Variants in PDZD2 observed in about 807,000 individuals in gnomAD.
The protein encoded by PDZD2 is PDZ domain-containing protein 2.
Under a neutral mutation model 220.7 loss-of-function variants are expected in PDZD2, and 90 were observed. The observed-to-expected ratio is 0.41, with a 90% CI of 0.34 to 0.49. The LOEUF (loss-of-function observed/expected upper bound fraction) is 0.49, where lower values mean the gene tolerates loss of function less well. Among genes scored for constraint, PDZD2 ranks in the 20% least tolerant of loss-of-function variants. The pLI is 0.28. For missense variants in PDZD2, 3,174 were observed against 3,608.5 expected, an observed-to-expected ratio of 0.88 and a Z score of 3.08; for synonymous variants, 1,375 against 1,450.5, an observed-to-expected ratio of 0.95 and a Z score of 1.18.
chr5:31,733,455 C>T (rs771119085), intron 1 of PDZD2, among the ~76,000 whole-genome samples: 24 of 152,172 alleles, frequency 1.6e-4, no homozygotes, highest in Non-Finnish European at 3.1e-4. Flanking sequence ...CCACGTGCTG[C>T]GTGTGGTCTG....
chr5:31,909,626 G>A (rs1414535510), intron 2 of PDZD2, among the ~76,000 whole-genome samples: 2 of 152,038 alleles, frequency 1.3e-5, no homozygotes, highest in East Asian at 3.8e-4. Flanking sequence ...ATACTAAAAG[G>A]ATAACAATTC....
chr5:31,923,990 A>C (rs1421613309), intron 2 of PDZD2, among the ~76,000 whole-genome samples: 1 of 152,150 alleles, frequency 6.6e-6, no homozygotes, highest in African/African-American at 2.4e-5. Flanking sequence ...CACTCAGGGG[A>C]GTCATTAGGG....
chr5:31,701,674 A>G (rs72755414), intron 1 of PDZD2, among the ~76,000 whole-genome samples: 32,515 of 152,182 alleles, frequency 0.21, 3,472 homozygotes, highest in Middle Eastern at 0.28. Flanking sequence ...TGGGGCGACC[A>G]GTCCCCGAGG....
chr5:31,765,111 G>A (rs942986298), intron 1 of PDZD2, among the ~76,000 whole-genome samples: 1 of 151,824 alleles, frequency 6.6e-6, no homozygotes, highest in African/African-American at 2.4e-5. Flanking sequence ...CAAAGGAAGA[G>A]GACAGAGACT....
intron 2 of PDZD2, chr5:31,855,248 C>T (rs1487523340): frequency 2.5e-6 from 1 of 401,140 alleles, no homozygotes; most frequent in Non-Finnish European, 3.4e-6. Flanking sequence ...GCTGAATCCA[C>T]AAATGTGGAG....
At chr5:32,009,890 G>A (rs1173858715) in intron 5 of PDZD2, among the ~76,000 whole-genome samples, 1 of 152,004 alleles carries the variant, frequency 6.6e-6, no homozygotes, top group African/African-American at 2.4e-5. Flanking sequence ...TCAGCAGTTC[G>A]AGACCAGCCT....
intron 16 of PDZD2, among the ~76,000 whole-genome samples, chr5:32,071,688 A>G (rs927155248): frequency 6.6e-6 from 1 of 152,232 alleles, no homozygotes; most frequent in Non-Finnish European, 1.5e-5. Flanking sequence ...CTGCTCCATA[A>G]TAAAGCAGCG....
chr5:32,104,972 A>C (rs372578075), intron 24 of PDZD2, among the ~76,000 whole-genome samples: 2 of 151,724 alleles, frequency 1.3e-5, no homozygotes, highest in African/African-American at 4.8e-5. Flanking sequence ...CCACCTCTAC[A>C]AAAAATACAG....
Position 31,765,001 on chromosome 5 carries a change from C to A in PDZD2, c.-360-33888C>A, listed in dbSNP as rs2059869. 0.035 allele frequency among the ~76,000 whole-genome samples: 5,328 copies of A among 151,974 alleles called. 510 individuals carry two copies. The East Asian group carries it at 0.4, about 11-fold the overall frequency. On this transcript the variant is annotated intron_variant, in intron 1 of 24. Transcript: ENST00000438447. ...CTAAGGCACGAGAATTGCTTGAACCCGGGAGGTGGAGTTTGCAGTGAGCCG... is the reference window on the plus strand; with the variant it reads ...CTAAGGCACGAGAATTGCTTGAACCAGGGAGGTGGAGTTTGCAGTGAGCCG...
Position 31,689,350 on chromosome 5 carries a change from TA to T in PDZD2, c.-361+49914del, listed in dbSNP as rs1267624195. On this transcript the variant is annotated intron_variant, in intron 1 of 24. Transcript: ENST00000438447. ...ATATACATATACATATATATATATATATATTTTTTTTTTTTTTTTTTTTAAG... is the reference window on the plus strand; with the variant it reads ...ATATACATATACATATATATATATATTATTTTTTTTTTTTTTTTTTTTAAG... 4.1e-3 allele frequency among the ~76,000 whole-genome samples: 241 copies of T among 58,234 alleles called. 6 individuals are homozygous for T. The highest frequency in any genetic ancestry group is 0.02 in the African/African-American group (220 of 10,810). The allele number at this position is 58,234 out of a possible 152,430, so 38.2% of individuals were successfully genotyped here. A position where few individuals can be genotyped will look rare whatever the true frequency, so the allele number is the denominator to read the frequency against.
At chr5:31,654,910 C>T (rs1332032432) in intron 1 of PDZD2, among the ~76,000 whole-genome samples, 1 of 152,186 alleles carries the variant, frequency 6.6e-6, no homozygotes, top group East Asian at 1.9e-4. Flanking sequence ...ACATAGCCCA[C>T]CAGACCCTTG....
intron 2 of PDZD2, among the ~76,000 whole-genome samples, chr5:31,846,041 G>A (rs530739920): frequency 2.8e-4 from 43 of 152,190 alleles, no homozygotes; most frequent in Non-Finnish European, 5.6e-4. Context: ...ACCATTCTCC[G>A]GTTCCATGAA....
rs1403922975 is a variant in PDZD2 at position 31,677,387 on chromosome 5, C to T, written c.-361+37950C>T. 3.0e-3 allele frequency among the ~76,000 whole-genome samples: 7 copies of T among 2,334 alleles called. 3 individuals carry two copies. The highest frequency in any genetic ancestry group is 3.9e-3 in the African/African-American group (7 of 1,776). The allele number at this position is 2,334 out of a possible 152,430, so 1.5% of individuals were successfully genotyped here. On this transcript the variant is annotated intron_variant, in intron 1 of 24. Coordinates refer to ENST00000438447, the MANE Select transcript of PDZD2 (RefSeq NM_178140.4). ...ATCCCGGCACTTTGGGAGGCCGAGGCGGGCGGATCACGAGGTCAGGAGATC... is the reference window on the plus strand; with the variant it reads ...ATCCCGGCACTTTGGGAGGCCGAGGTGGGCGGATCACGAGGTCAGGAGATC...
chr5:32,093,170 TCTGA>T, intron 21 of PDZD2, 146 bp downstream of exon 21: 1 of 599,570 alleles, frequency 1.7e-6, no homozygotes, highest in South Asian at 2.1e-5. Flanking sequence ...CACAGCTCAG[TCTGA>T]CTTTGGCCTC....
At chr5:32,017,138 G>T (rs569999765) in intron 6 of PDZD2, among the ~76,000 whole-genome samples, 1 of 152,222 alleles carries the variant, frequency 6.6e-6, no homozygotes, top group African/African-American at 2.4e-5. Flanking sequence ...AGCATACCAT[G>T]AATTTAAAAT....
intron 7 of PDZD2, among the ~76,000 whole-genome samples, chr5:32,037,577 T>C (rs1224146609): frequency 6.6e-6 from 1 of 152,256 alleles, no homozygotes; most frequent in Non-Finnish European, 1.5e-5. Flanking sequence ...TGTGTCTCTG[T>C]GTCCTGAAAC....
chr5:32,006,679 AC>A (rs1481975324), intron 5 of PDZD2, among the ~76,000 whole-genome samples: 11 of 121,586 alleles, frequency 9.0e-5, no homozygotes, highest in Admixed American at 6.5e-4. Context: ...CAGGCTCAAC[AC>A]CTTTTTTTTT....
intron 2 of PDZD2, among the ~76,000 whole-genome samples, chr5:31,956,255 C>T (rs942910157): frequency 2.7e-4 from 41 of 151,732 alleles, no homozygotes; most frequent in African/African-American, 9.2e-4. Flanking sequence ...TTCTTTCTTC[C>T]GTTCCGTTAA....
intron 6 of PDZD2, among the ~76,000 whole-genome samples, chr5:32,033,885 C>T (rs1755320560): frequency 6.6e-6 from 1 of 152,124 alleles, no homozygotes; most frequent in South Asian, 2.1e-4. Context: ...TTCCAGAGTG[C>T]TGGGATTACA....
Sources: allele counts gnomAD v4.1 joint callset (sites outside exome capture counted in the v4.1 genomes callset), GRCh38; gene constraint gnomAD v4.1.1; transcripts MANE v1.5; gene names NCBI Gene and HGNC (gene_info 2026-07-23, HGNC 2026-07-21).